The following NSMCE2 variants were observed in gnomAD, a reference collection of about 807,000 sequenced individuals.
NSMCE2 encodes E3 SUMO-protein ligase NSE2.
Under a neutral mutation model 23.8 loss-of-function variants are expected in NSMCE2, and 24 were observed. The ratio of observed to expected loss-of-function variants is 1.01; its 90% CI spans 0.73 to 1.42. NSMCE2 has a LOEUF of 1.42. Among genes scored for constraint, NSMCE2 ranks in the 40% most tolerant of loss-of-function variants. The probability of loss-of-function intolerance (pLI) is 0.00; values close to 1 mark genes in which losing one functional copy is unlikely to be tolerated. For synonymous variants in NSMCE2, 92 were observed against 94.1 expected (o/e 0.98, Z 0.13); for missense variants, 284 against 296.5 (o/e 0.96, Z 0.31).
At chr8:125,326,881 AG>A (rs758948211) in intron 5 of NSMCE2, among the ~76,000 whole-genome samples, 4 of 150,892 alleles carry the variant, frequency 2.7e-5, no homozygotes, top group African/African-American at 4.9e-5. Context: ...ACTTGAACCC[AG>A]GAGGCAGAGG....
chr8:125,186,253 T>C (rs1458023287), intron 5 of NSMCE2, among the ~76,000 whole-genome samples: 4 of 152,226 alleles, frequency 2.6e-5, no homozygotes, highest in Non-Finnish European at 5.9e-5. Context: ...GTGGGTACTG[T>C]CACACTGTCA....
intron 5 of NSMCE2, among the ~76,000 whole-genome samples, chr8:125,309,682 G>T (rs1276199187): frequency 1.3e-5 from 2 of 152,004 alleles, no homozygotes; most frequent in Non-Finnish European, 2.9e-5. Context: ...CTATGATCAC[G>T]CCAGTGCACT....
At chr8:125,132,499 G>GT (rs75538469) in intron 3 of NSMCE2, among the ~76,000 whole-genome samples, 168 of 147,100 alleles carry the variant, frequency 1.1e-3, no homozygotes, top group East Asian at 5.4e-3. Context: ...AAAAATTTTG[G>GT]TTTTTTTTTT....
chr8:125,121,536 A>G (rs1190486185), intron 3 of NSMCE2, among the ~76,000 whole-genome samples: 1 of 152,210 alleles, frequency 6.6e-6, no homozygotes, highest in Non-Finnish European at 1.5e-5. Context: ...GGAGAACTAC[A>G]TGGTAGTAAG....
chr8:125,322,964 T>C (rs1356635112), intron 5 of NSMCE2, among the ~76,000 whole-genome samples: 1 of 152,158 alleles, frequency 6.6e-6, no homozygotes, highest in South Asian at 2.1e-4. Context: ...GAGGCTGAGG[T>C]GGGAGAATCG....
At chr8:125,095,260 A>G (rs1355235454) in intron 1 of NSMCE2, among the ~76,000 whole-genome samples, 1 of 152,178 alleles carries the variant, frequency 6.6e-6, no homozygotes, top group East Asian at 1.9e-4. Context: ...GCTCTGGACA[A>G]TTTAGACTTA....
intron 5 of NSMCE2, among the ~76,000 whole-genome samples, chr8:125,240,719 T>G (rs1475665628): frequency 7.9e-5 from 12 of 152,174 alleles, no homozygotes; most frequent in Non-Finnish European, 1.5e-4. Flanking sequence ...TGGTTATTTT[T>G]TTTTTGTTAG....
In NSMCE2 at chr8:125,204,650, G is replaced by C. The variant is rs73349896; in HGVS notation, c.418+22394G>C. Among the ~76,000 whole-genome samples, 187 of 152,258 alleles carry C rather than the reference G, an allele frequency of 1.2e-3. 2 individuals carry two copies. The highest frequency in any genetic ancestry group is 4.2e-3 in the African/African-American group (174 of 41,540). On this transcript the variant is annotated intron_variant, in intron 5 of 7. Coordinates refer to ENST00000287437, the MANE Select transcript of NSMCE2 (RefSeq NM_173685.4). The stretch of plus-strand genomic sequence containing the variant: ...TTTCCTCCTGCTGTAGAGCACAGGG[G>C]TTTTACTTTACATTTACCAAAAGCA...
At chr8:125,298,889 A>C (rs991280840) in intron 5 of NSMCE2, among the ~76,000 whole-genome samples, 3 of 152,096 alleles carry the variant, frequency 2.0e-5, no homozygotes, top group Non-Finnish European at 4.4e-5. Flanking sequence ...TGATGGGATT[A>C]AGTTTGGGGT....
intron 4 of NSMCE2, among the ~76,000 whole-genome samples, chr8:125,158,355 G>GA (rs1821430405): frequency 6.6e-6 from 1 of 152,098 alleles, no homozygotes; most frequent in African/African-American, 2.4e-5. Context: ...AAGCAAAGAA[G>GA]ACCCCTCTGT....
At chr8:125,303,884 C>T (rs146231040) in intron 5 of NSMCE2, among the ~76,000 whole-genome samples, 81 of 152,230 alleles carry the variant, frequency 5.3e-4, no homozygotes, top group South Asian at 1.5e-3. Context: ...GTTTGTATAA[C>T]GTGTCCCTAA....
rs756991085 is a variant in NSMCE2, at chr8:125,182,081, G to A, written c.265-22G>A. 10 of 1,534,228 alleles carry A rather than the reference G, an allele frequency of 6.5e-6. No homozygotes were observed. The South Asian group carries it at 9.7e-5, about 15-fold the overall frequency. ...CTATTATTATTAACATTTAACTCAG[G>A]TAATTTTGTTGTCTCCCTTAGGTGA... On this transcript the variant is annotated intron_variant, in intron 4 of 7. Transcript: ENST00000287437.
chr8:125,321,519 T>C (rs951554062), intron 5 of NSMCE2, among the ~76,000 whole-genome samples: 7 of 152,008 alleles, frequency 4.6e-5, no homozygotes, highest in African/African-American at 7.2e-5. Context: ...GAATAGAAAA[T>C]ATTACCCCAA....
At chr8:125,272,100 G>A (rs928751797) in intron 5 of NSMCE2, among the ~76,000 whole-genome samples, 9 of 143,222 alleles carry the variant, frequency 6.3e-5, no homozygotes, top group African/African-American at 2.1e-4. Context: ...TGCAAGCTCC[G>A]CCTCCCGGGT....
intron 7 of NSMCE2, among the ~76,000 whole-genome samples, chr8:125,360,836 T>C (rs1022773601): frequency 5.9e-5 from 9 of 152,210 alleles, no homozygotes; most frequent in Non-Finnish European, 8.8e-5. Flanking sequence ...GTTCTAGTTA[T>C]GTTTGTTTTT....
intron 5 of NSMCE2, among the ~76,000 whole-genome samples, chr8:125,194,934 AT>A (rs1369054025): frequency 6.6e-6 from 1 of 152,014 alleles, no homozygotes; most frequent in Non-Finnish European, 1.5e-5. Context: ...TATCTTCTAC[AT>A]TTATTCTTTA....
At chr8:125,326,193 C>T (rs1829658093) in intron 5 of NSMCE2, among the ~76,000 whole-genome samples, 1 of 149,630 alleles carries the variant, frequency 6.7e-6, no homozygotes, top group Non-Finnish European at 1.5e-5. Flanking sequence ...AGAGGCAGAG[C>T]TTGCAGTGAG....
chr8:125,214,551 A>G (rs1006718515), intron 5 of NSMCE2, among the ~76,000 whole-genome samples: 6 of 152,204 alleles, frequency 3.9e-5, no homozygotes, highest in African/African-American at 1.4e-4. Flanking sequence ...GCCTCTGCTT[A>G]GAATTTTTTA....
intron 4 of NSMCE2, among the ~76,000 whole-genome samples, chr8:125,159,650 A>G (rs1385199926): frequency 6.6e-6 from 1 of 152,176 alleles, no homozygotes; most frequent in Non-Finnish European, 1.5e-5. Context: ...GGTTTTAGGC[A>G]TCTACTGGGG....
Sources: gnomAD v4.1 joint callset for allele counts (sites outside exome capture counted in the v4.1 genomes callset) on GRCh38, gnomAD v4.1.1 for gene constraint, MANE v1.5 for transcripts, NCBI Gene and HGNC (gene_info 2026-07-23, HGNC 2026-07-21) for gene names.